Variants in HDAC9 observed in about 807,000 individuals in gnomAD.
HDAC9 encodes MEF-2 interacting transcription repressor (MITR) protein.
Under a neutral mutation model 139.4 loss-of-function variants are expected in HDAC9, and 41 were observed. That is an observed-to-expected ratio of 0.29 (90% CI 0.23 to 0.38). The LOEUF is 0.38. Among genes scored for constraint, HDAC9 ranks in the 10% least tolerant of loss-of-function variants. The pLI, the probability that HDAC9 is intolerant of heterozygous loss-of-function variation, is 1.00. For synonymous variants in HDAC9, 517 were observed against 476.2 expected, an observed-to-expected ratio of 1.09 and a Z score of -1.12; for missense variants, 1,147 against 1,297.0, an observed-to-expected ratio of 0.88 and a Z score of 1.78.
At chr7:18,866,441 G>A (rs1798503182) in intron 21 of HDAC9, among the ~76,000 whole-genome samples, 1 of 152,044 alleles carries the variant, frequency 6.6e-6, no homozygotes, top group African/African-American at 2.4e-5. Flanking sequence ...ATCCTCTCTG[G>A]TGGACTTTCA....
At chr7:18,818,924 C>T (rs1391348157) in intron 17 of HDAC9, among the ~76,000 whole-genome samples, 2 of 152,040 alleles carry the variant, frequency 1.3e-5, no homozygotes, top group African/African-American at 2.4e-5. Flanking sequence ...TTAATTTGCA[C>T]TTTCTTATTT....
intron 25 of HDAC9, among the ~76,000 whole-genome samples, chr7:18,977,967 G>A (rs13239807): frequency 1.4e-5 from 2 of 145,352 alleles, no homozygotes; most frequent in Non-Finnish European, 3.0e-5. Context: ...CACAGAAAGA[G>A]AGAGAGAGAA....
intron 1 of HDAC9, among the ~76,000 whole-genome samples, chr7:18,471,608 C>T (rs1298178623): frequency 6.6e-6 from 1 of 152,170 alleles, no homozygotes; most frequent in Non-Finnish European, 1.5e-5. Context: ...CAGGGGCCTG[C>T]TGAACTTCTC....
At chr7:18,500,161 A>G (rs1797999046) in intron 2 of HDAC9, among the ~76,000 whole-genome samples, 1 of 152,200 alleles carries the variant, frequency 6.6e-6, no homozygotes, top group Non-Finnish European at 1.5e-5. Context: ...CACAGGAGGC[A>G]TAATTATTGT....
intron 1 of HDAC9, among the ~76,000 whole-genome samples, chr7:18,476,081 C>G (rs1170113060): frequency 6.6e-6 from 1 of 152,164 alleles, no homozygotes; most frequent in Non-Finnish European, 1.5e-5. Context: ...TTTTGGAAAT[C>G]AAGACTCCTC....
chr7:18,535,457 T>C (rs1436768703), intron 2 of HDAC9, among the ~76,000 whole-genome samples: 1 of 151,926 alleles, frequency 6.6e-6, no homozygotes, highest in Non-Finnish European at 1.5e-5. Context: ...GGACCTGATA[T>C]ATTTACATCT....
chr7:18,921,449 T>A (rs1353628584), intron 22 of HDAC9, among the ~76,000 whole-genome samples: 2 of 152,170 alleles, frequency 1.3e-5, no homozygotes, highest in African/African-American at 4.8e-5. Flanking sequence ...AAAGAAGACA[T>A]TTATGCAGCC....
chr7:18,415,047 C>T (rs550776011), intron 1 of HDAC9, among the ~76,000 whole-genome samples: 72 of 152,190 alleles, frequency 4.7e-4, no homozygotes, highest in African/African-American at 1.7e-3. Flanking sequence ...AATATTTTCC[C>T]GAATTTTACA....
intron 1 of HDAC9, among the ~76,000 whole-genome samples, chr7:18,330,882 A>G (rs1233500598): frequency 1.3e-5 from 2 of 151,756 alleles, no homozygotes; most frequent in Admixed American, 6.6e-5. Context: ...ATGGCAGAAC[A>G]GTAAGTTTAG....
chr7:18,427,071 A>G (rs1790182236), intron 1 of HDAC9, among the ~76,000 whole-genome samples: 1 of 152,186 alleles, frequency 6.6e-6, no homozygotes, highest in South Asian at 2.1e-4. Context: ...TTGATCCTTC[A>G]TACAATTAAC....
At chr7:18,497,242 TCTCA>T (rs1179444214) in intron 2 of HDAC9, among the ~76,000 whole-genome samples, 2 of 152,158 alleles carry the variant, frequency 1.3e-5, no homozygotes, top group Non-Finnish European at 2.9e-5. Context: ...GGCTTAAAGT[TCTCA>T]CTTAGATCCC....
chr7:18,420,228 C>G (rs574676181), intron 1 of HDAC9, among the ~76,000 whole-genome samples: 1 of 152,308 alleles, frequency 6.6e-6, no homozygotes, highest in Admixed American at 6.5e-5. Flanking sequence ...ATTTATCCTT[C>G]TAGACTGTTG....
chr7:18,411,027 G>A (rs1363894728), intron 1 of HDAC9, among the ~76,000 whole-genome samples: 1 of 152,194 alleles, frequency 6.6e-6, no homozygotes, highest in African/African-American at 2.4e-5. Flanking sequence ...GTGAAAAGGT[G>A]CTAAGCTTCT....
chr7:18,535,371 A>G (rs1810526699), intron 2 of HDAC9, among the ~76,000 whole-genome samples: 1 of 152,004 alleles, frequency 6.6e-6, no homozygotes, highest in Non-Finnish European at 1.5e-5. Flanking sequence ...AATATGAAAT[A>G]TTTTAAGTTC....
chr7:18,841,143 A>T (rs1187229511), intron 21 of HDAC9, among the ~76,000 whole-genome samples: 1 of 152,064 alleles, frequency 6.6e-6, no homozygotes, highest in African/African-American at 2.4e-5. Flanking sequence ...TATCATCATT[A>T]TTCTGGCTAA....
intron 6 of HDAC9, among the ~76,000 whole-genome samples, chr7:18,601,936 A>G (rs780028479): frequency 4.6e-5 from 7 of 152,134 alleles, no homozygotes; most frequent in Non-Finnish European, 7.4e-5. Context: ...ATCTATTCCT[A>G]TAATGTCTGT....
chr7:18,434,510 A>G (rs1790991420), intron 1 of HDAC9, among the ~76,000 whole-genome samples: 1 of 152,234 alleles, frequency 6.6e-6, no homozygotes, highest in Non-Finnish European at 1.5e-5. Context: ...CAAAGGTCTA[A>G]TATCCAGAAT....
At chr7:18,331,963 T>C (rs1307861587) in intron 1 of HDAC9, among the ~76,000 whole-genome samples, 1 of 151,592 alleles carries the variant, frequency 6.6e-6, no homozygotes, top group Non-Finnish European at 1.5e-5. Context: ...TAGAGAAGTA[T>C]TGAGTTAGAT....
At chr7:18,822,324 T>C (rs1430480084) in intron 17 of HDAC9, among the ~76,000 whole-genome samples, 1 of 148,790 alleles carries the variant, frequency 6.7e-6, no homozygotes, top group Non-Finnish European at 1.5e-5. Flanking sequence ...AGTCCAAGGG[T>C]TTGGTTTTTG....
Sources: gnomAD v4.1 joint callset for allele counts (sites outside exome capture counted in the v4.1 genomes callset) on GRCh38, gnomAD v4.1.1 for gene constraint, MANE v1.5 for transcripts, NCBI Gene and HGNC (gene_info 2026-07-23, HGNC 2026-07-21) for gene names.